FARP2: variants seen among roughly 807,000 people sequenced by gnomAD.
FARP2 encodes FERM, ARH/RhoGEF and pleckstrin domain protein 2, also known as FERM, ARHGEF and pleckstrin domain-containing protein 2.
A neutral mutation model predicts 130.5 loss-of-function variants in FARP2; 111 were observed. The ratio of observed to expected loss-of-function variants is 0.85; its 90% confidence interval spans 0.73 to 1.00. FARP2 has a LOEUF of 1.00. Ranked by LOEUF, FARP2 falls within the 50% of genes least tolerant of loss-of-function variation. FARP2 has a pLI of 0.00. For synonymous variants in FARP2, 504 were observed against 516.9 expected, an observed-to-expected ratio of 0.98 and a Z score of 0.34; for missense variants, 1,385 against 1,346.3, an observed-to-expected ratio of 1.03 and a Z score of -0.45.
intron 13 of FARP2, among the ~76,000 whole-genome samples, chr2:241,448,188 C>T (rs1247621689): frequency 6.6e-6 from 1 of 152,122 alleles, no homozygotes; most frequent in Non-Finnish European, 1.5e-5. Flanking sequence ...CCTCACTTAC[C>T]CCCCCTACAT....
chr2:241,491,765 G>T, intron 24 of FARP2, 86 bp downstream of exon 24: 1 of 1,369,630 alleles, frequency 7.3e-7, no homozygotes, highest in Non-Finnish European at 9.8e-7. Flanking sequence ...GACCTCAGGA[G>T]GGTACCAGCA....
chr2:241,446,170 T>C (rs538754507), intron 13 of FARP2: 3 of 152,338 alleles, frequency 2.0e-5, no homozygotes, highest in Admixed American at 6.5e-5. Flanking sequence ...ACGAAAAATA[T>C]GTAATAGCAT....
At chr2:241,427,119 C>G (rs1277356654) in intron 8 of FARP2, among the ~76,000 whole-genome samples, 1 of 152,060 alleles carries the variant, frequency 6.6e-6, no homozygotes, top group African/African-American at 2.4e-5. Flanking sequence ...CCTGTAATGC[C>G]AGCTACTCAG....
chr2:241,457,122 A>C (rs1008633751), intron 14 of FARP2, among the ~76,000 whole-genome samples, 200 bp downstream of exon 14: 1 of 152,144 alleles, frequency 6.6e-6, no homozygotes, highest in African/African-American at 2.4e-5. Flanking sequence ...CTTTCCTCTT[A>C]TCTCTGGGAC....
chr2:241,396,545 A>G (rs1410440382), intron 2 of FARP2, among the ~76,000 whole-genome samples: 1 of 152,250 alleles, frequency 6.6e-6, no homozygotes, highest in Non-Finnish European at 1.5e-5. Flanking sequence ...ACACTTCTCA[A>G]AAGAAGACAT....
In FARP2 at chr2:241,459,998, C is replaced by T. The variant is rs1026565065; in HGVS notation, c.1588-2525C>T. Among the ~76,000 whole-genome samples, 8 of 152,092 alleles carry T rather than the reference C, an allele frequency of 5.3e-5. No homozygotes were observed. Among genetic ancestry groups the T allele is most frequent in the Admixed American group, 2.6e-4 (4 of 15,276 alleles). On this transcript the variant is annotated intron_variant, in intron 14 of 26. Coordinates refer to ENST00000264042, the MANE Select transcript of FARP2 (RefSeq NM_014808.4). This position sits in a 1 kb window ranked among gnomAD's most constrained non-coding sequence, Gnocchi z 5.3. ...CGCCCCTGGAGGAGTGGAGCTGCTC[C>T]GGGACTCGAGCATCCTGTTTCTTTC...
intron 20 of FARP2, 37 bp from the exon 21 acceptor site, chr2:241,484,205 T>G (rs766491975): frequency 6.2e-6 from 10 of 1,613,412 alleles, no homozygotes; most frequent in Non-Finnish European, 8.5e-6. Context: ...GACACTTGTT[T>G]GTGAAGTTCA....
At chr2:241,493,583 A>G (rs1465356156) in intron 26 of FARP2, 139 bp downstream of exon 26, 2 of 733,920 alleles carry the variant, frequency 2.7e-6, no homozygotes, top group South Asian at 1.8e-5. Flanking sequence ...ATTTCCAAAA[A>G]ACAGCAATGC....
Position 241,493,408 on chromosome 2 carries a change from A to C in FARP2, c.3011A>C (p.Tyr1004Ser), listed in dbSNP as rs201251233. The stretch of plus-strand genomic sequence containing the variant: ...AAGCTCCAGTTCAAATCCCACGTCT[A>C]CTTCTTCCGGGCTGAGAGCAAGTAC... ...VFKLQFKSHV[Y>S]FFRAESKYTF... The change falls in exon 26 of 27, where the codon TAC becomes TCC. Residue 1004 changes from tyrosine to serine, a missense_variant. Tyr to Ser is a moderately radical substitution (Grantham distance 144). Transcript: ENST00000264042. 9.3e-6 allele frequency: 15 copies of C among 1,613,936 alleles called. No individual in the cohort carries two copies. The East Asian group carries it at 2.5e-4, about 26-fold the overall frequency.
intron 5 of FARP2, 126 bp from the exon 6 acceptor site, chr2:241,410,907 T>G: frequency 1.5e-6 from 1 of 648,582 alleles, no homozygotes; most frequent in Non-Finnish European, 2.7e-6. Context: ...CGCCTTGCGT[T>G]TTGCTCACTG....
chr2:241,435,100 A>G (rs185563939), intron 11 of FARP2, 70 bp downstream of exon 11: 12 of 866,632 alleles, frequency 1.4e-5, no homozygotes, highest in Middle Eastern at 3.4e-4. Flanking sequence ...ATATGGAGAG[A>G]GAGCGAAAAG....
intron 19 of FARP2, chr2:241,478,700 G>A: frequency 2.1e-6 from 1 of 479,068 alleles, no homozygotes; most frequent in Admixed American, 2.3e-5. Flanking sequence ...AATAAAACTT[G>A]TAAAGGACAA....
chr2:241,474,838 A>AATAG (rs1286652929), intron 18 of FARP2, among the ~76,000 whole-genome samples: 12 of 149,782 alleles, frequency 8.0e-5, no homozygotes, highest in African/African-American at 2.9e-4. Context: ...TAAATAAATA[A>AATAG]AAAGAAAGAA....
At chr2:241,444,841 C>A (rs2063476446) in intron 13 of FARP2, 1 of 152,192 alleles carries the variant, frequency 6.6e-6, no homozygotes, top group East Asian at 1.9e-4. Context: ...GAACCCGCAT[C>A]ACCTCAAATT....
chr2:241,492,074 A>G (rs1020609130), intron 24 of FARP2, among the ~76,000 whole-genome samples: 3 of 152,142 alleles, frequency 2.0e-5, no homozygotes, highest in African/African-American at 7.2e-5. Context: ...TGTCAGCTCT[A>G]TCTCACTGCA....
intron 1 of FARP2, among the ~76,000 whole-genome samples, chr2:241,368,118 C>T (rs1225171567): frequency 6.6e-6 from 1 of 151,878 alleles, no homozygotes; most frequent in Non-Finnish European, 1.5e-5. Flanking sequence ...TGACATGTCA[C>T]GGGGTTTTCT....
intron 2 of FARP2, among the ~76,000 whole-genome samples, chr2:241,374,120 G>A (rs1034369883): frequency 2.7e-5 from 4 of 150,920 alleles, no homozygotes; most frequent in Non-Finnish European, 5.9e-5. Context: ...CAAGCGATCC[G>A]CCCTCCTCAA....
intron 9 of FARP2, among the ~76,000 whole-genome samples, chr2:241,433,520 A>C (rs1242812105): frequency 2.0e-5 from 3 of 152,324 alleles, no homozygotes; most frequent in African/African-American, 7.2e-5. Flanking sequence ...TGTAGAAACA[A>C]TTCAGTAATA....
At chr2:241,398,863 C>T (rs1407863559) in intron 2 of FARP2, among the ~76,000 whole-genome samples, 1 of 152,218 alleles carries the variant, frequency 6.6e-6, no homozygotes, top group South Asian at 2.1e-4. Flanking sequence ...GCCACCGCAT[C>T]CAACCAGACA....
Sources: allele counts gnomAD v4.1 joint callset (sites outside exome capture counted in the v4.1 genomes callset), GRCh38; gene constraint gnomAD v4.1.1; non-coding constraint Gnocchi (gnomAD v3.1); transcripts MANE v1.5; gene names NCBI Gene and HGNC (gene_info 2026-07-23, HGNC 2026-07-21).